ALPK3: variants seen among roughly 807,000 people sequenced by gnomAD.
ALPK3 encodes the protein alpha-protein kinase 3.
In ALPK3, 102 loss-of-function variants were observed where a neutral mutation model predicts 140.0. The observed-to-expected ratio is 0.73, with a 90% CI of 0.62 to 0.86. The LOEUF is 0.86. Ranked by LOEUF, ALPK3 falls within the 40% of genes least tolerant of loss-of-function variation. The pLI, the probability that ALPK3 is intolerant of heterozygous loss-of-function variation, is 0.00. For synonymous variants in ALPK3, 938 were observed against 898.5 expected, an observed-to-expected ratio of 1.04 and a Z score of -0.79; for missense variants, 2,254 against 2,208.2, an observed-to-expected ratio of 1.02 and a Z score of -0.42.
rs544287758 is a variant in ALPK3 at position 84,869,059 on chromosome 15, C to T, written c.*603C>T. On this transcript the variant is annotated 3_prime_UTR_variant, in exon 14 of 14. Transcript: ENST00000258888. ...AGGGCCCTTCCAGAGCCTGTCATGT[C>T]CTTGTGCAGTGGCCTTTGATGTGTG... 1 of 156,754 alleles carries T rather than the reference C, an allele frequency of 6.4e-6. No individual in the cohort carries two copies. 9.7% of individuals were successfully genotyped at this position (156,754 alleles called of 1,614,324 possible).
intron 1 of ALPK3, among the ~76,000 whole-genome samples, chr15:84,818,260 G>A (rs1242505618): frequency 6.6e-6 from 1 of 152,174 alleles, no homozygotes; most frequent in Non-Finnish European, 1.5e-5. Flanking sequence ...CAAGGGAGGT[G>A]TGGAACTGAT....
At chr15:84,820,949 C>A (rs1029261235) in intron 1 of ALPK3, among the ~76,000 whole-genome samples, 1 of 150,234 alleles carries the variant, frequency 6.7e-6, no homozygotes, top group East Asian at 2.0e-4. Flanking sequence ...TATGAGGAGA[C>A]CTTTCCTTTC....
At chr15:84,838,264 A>G (rs907292574) in intron 3 of ALPK3, among the ~76,000 whole-genome samples, 10 of 152,196 alleles carry the variant, frequency 6.6e-5, no homozygotes, top group African/African-American at 2.2e-4. Context: ...AGGGATGATC[A>G]TGGTGGGACA....
chr15:84,860,190 G>A, intron 9 of ALPK3, 118 bp downstream of exon 9: 1 of 1,280,692 alleles, frequency 7.8e-7, no homozygotes, highest in Non-Finnish European at 1.1e-6. Context: ...TTGCCTCTTA[G>A]TTTAGGATAT....
chr15:84,835,345 C>CCCCTGAT (rs1963588330), intron 3 of ALPK3, among the ~76,000 whole-genome samples: 1 of 152,160 alleles, frequency 6.6e-6, no homozygotes, highest in Admixed American at 6.5e-5. Context: ...AGCCTCGCCT[C>CCCCTGAT]CCCTGCTCCC....
At chr15:84,821,706 G>A (rs906032365) in intron 1 of ALPK3, among the ~76,000 whole-genome samples, 3 of 151,752 alleles carry the variant, frequency 2.0e-5, no homozygotes, top group African/African-American at 7.3e-5. Context: ...GTCCCCCACT[G>A]TACTTTCCTC....
At position 84,827,687 on chromosome 15, in the gene ALPK3, G is replaced by T. The variant is rs1963504665; in HGVS notation, c.304+82G>T. The stretch of plus-strand genomic sequence containing the variant: ...GGAGGCTGTGAGGACAGGAATGGTG[G>T]GGTGGCGGGCTGTGTGCACAAAACT... On this transcript the variant is annotated intron_variant, in intron 3 of 13. Transcript: ENST00000258888. The T allele has an allele frequency of 3.8e-6, 6 of 1,568,734 alleles. No homozygotes were observed. In the South Asian group the frequency reaches 6.8e-5, roughly 18 times the overall value.
intron 9 of ALPK3, among the ~76,000 whole-genome samples, chr15:84,861,711 T>C (rs1157235959): frequency 6.6e-6 from 1 of 152,236 alleles, no homozygotes; most frequent in Non-Finnish European, 1.5e-5. Context: ...TCCCAATACG[T>C]TAAGTTCCAA....
chr15:84,867,272 A>G, intron 12 of ALPK3, 45 bp from the exon 13 acceptor site: 1 of 1,565,242 alleles, frequency 6.4e-7, no homozygotes, highest in Non-Finnish European at 8.7e-7. Flanking sequence ...GGGGGCTTAG[A>G]GCCAGCCCAG....
At position 84,864,561 on chromosome 15, in the gene ALPK3, C is replaced by T; in HGVS notation, c.4619C>T (p.Ala1540Val). Residue 1540 changes from alanine to valine, a missense_variant, in exon 12 of 14, where the codon GCT becomes GTT. By Grantham distance (64) the Ala-to-Val change is moderately conservative. This residue lies in a region of ALPK3 where 2,088 missense variants were observed against 2,022.9 expected (regional missense o/e 1.03). Coordinates refer to ENST00000258888, the MANE Select transcript of ALPK3 (RefSeq NM_020778.5). ...YCSREWGCAE[A>V]PTASGSSEAM... The stretch of plus-strand genomic sequence containing the variant: ...TCTCGGGAATGGGGCTGTGCTGAGG[C>T]TCCGACAGCATCTGGCAGCTCTGAG... The T allele has an allele frequency of 1.2e-6, 2 of 1,614,230 alleles. No individual in the cohort carries two copies. The highest frequency in any genetic ancestry group is 1.7e-6 in the Non-Finnish European group (2 of 1,180,040).
At chr15:84,843,004 T>C (rs1963684631) in intron 5 of ALPK3, among the ~76,000 whole-genome samples, 1 of 152,190 alleles carries the variant, frequency 6.6e-6, no homozygotes, top group Non-Finnish European at 1.5e-5. Context: ...AAATCTGGCT[T>C]CTCTGCCTAA....
intron 3 of ALPK3, among the ~76,000 whole-genome samples, chr15:84,835,314 G>T (rs1420959046): frequency 6.6e-6 from 1 of 152,170 alleles, no homozygotes; most frequent in African/African-American, 2.4e-5. Context: ...CCCAGAGTTT[G>T]TTCCTGGCCG....
At position 84,857,895 on chromosome 15, in the gene ALPK3, C is replaced by G. The variant is rs1345151886; in HGVS notation, c.3157C>G (p.Gln1053Glu). 1 of 1,612,258 alleles carries G rather than the reference C, an allele frequency of 6.2e-7. No individual in the cohort carries two copies. The highest frequency in any genetic ancestry group is 2.2e-5 in the East Asian group (1 of 44,824). ...LLDREVQAGR[Q>E]ALAAARGSWG... ...GGACCGTGAGGTGCAGGCTGGCCGC[C>G]AGGCCCTTGCTGCTGCCCGAGGCTC... Residue 1053 changes from glutamine (Q) to glutamate (E), a missense_variant, in exon 6 of 14, where the codon CAG becomes GAG. By Grantham distance (29) the Gln-to-Glu change is conservative. This residue lies in a region of ALPK3 where 2,088 missense variants were observed against 2,022.9 expected (regional missense o/e 1.03). Coordinates refer to ENST00000258888, the MANE Select transcript of ALPK3 (RefSeq NM_020778.5).
At chr15:84,847,494 G>A (rs1229922384) in intron 5 of ALPK3, among the ~76,000 whole-genome samples, 1 of 152,108 alleles carries the variant, frequency 6.6e-6, no homozygotes, top group Non-Finnish European at 1.5e-5. Flanking sequence ...CTGTTGGAAA[G>A]TAAAGACAAT....
rs1033371309 is a variant in ALPK3 at position 84,840,599 on chromosome 15, G to T, written c.1320G>T (p.Arg440=). The change falls in exon 5 of 14, where the codon CGG becomes CGT. Residue 440 remains arginine (R), a synonymous_variant. Transcript: ENST00000258888. ...AGGGACCCCAGACCCTGAGTGTCCG[G>T]GCGCCTGGGGAGAGTCCCAAGGGGA... is the stretch of plus-strand genomic sequence containing the variant. The part of the protein sequence containing the change: ...GEEGPQTLSV[R]APGESPKGKA... 3 of 1,562,090 alleles carry T rather than the reference G, an allele frequency of 1.9e-6. No homozygotes were observed. The African/African-American group carries it at 4.1e-5, about 21-fold the overall frequency.
At position 84,857,199 on chromosome 15, in the gene ALPK3, C is replaced by T; in HGVS notation, c.2461C>T (p.Pro821Ser). 1 of 1,614,014 alleles carries T rather than the reference C, an allele frequency of 6.2e-7. No individual in the cohort carries two copies. The highest frequency in any genetic ancestry group is 2.2e-5 in the East Asian group (1 of 44,860). The change falls in exon 6 of 14, where the codon CCA (proline) becomes TCA (serine). Residue 821 changes from proline (P) to serine (S), a missense_variant. By Grantham distance (74) the Pro-to-Ser change is moderately conservative. Transcript: ENST00000258888. ...GGTGGGAGGAGAGAGATGCCGAGGGCCACAGTCATCAGGCCCAGTCGAGGC... is the reference window on the plus strand; with the variant it reads ...GGTGGGAGGAGAGAGATGCCGAGGGTCACAGTCATCAGGCCCAGTCGAGGC... ...EQVGGERCRGPQSSGPVEAKQ... is the reference protein window; with the variant it reads ...EQVGGERCRGSQSSGPVEAKQ...
chr15:84,823,895 G>T (rs368383326), intron 2 of ALPK3, among the ~76,000 whole-genome samples: 1 of 152,066 alleles, frequency 6.6e-6, no homozygotes, highest in Non-Finnish European at 1.5e-5. Flanking sequence ...AAATTTTCTT[G>T]TAGAGACAGA....
chr15:84,870,542 G>T lies in ALPK3; in HGVS notation c.*2086G>T, dbSNP rs1964057856. ...ACTTAAGCAAGGAAAAAGCGTTCAT[G>T]GGAAGGATGCTGGGATAGCTCACAA... On this transcript the variant is annotated 3_prime_UTR_variant, in exon 14 of 14. Transcript: ENST00000258888. 6.6e-6 allele frequency: 1 copy of T among 152,222 alleles called. No homozygotes were observed. Among genetic ancestry groups the T allele is most frequent in the South Asian group, 2.1e-4 (1 of 4,836 alleles). 9.4% of individuals were successfully genotyped at this position (152,222 alleles called of 1,614,324 possible).
Position 84,856,991 on chromosome 15 carries a change from G to A in ALPK3, c.2253G>A (p.Leu751=). 6.2e-7 allele frequency: 1 copy of A among 1,614,146 alleles called. No individual in the cohort carries two copies. The highest frequency in any genetic ancestry group is 8.5e-7 in the Non-Finnish European group (1 of 1,180,030). Reference sequence around the variant, plus strand: ...CTACAGCGGGTCCTAGAGCTCCTCTGAATATTGAATGTTTTGTACAGACCC... The same window carrying A: ...CTACAGCGGGTCCTAGAGCTCCTCTAAATATTGAATGTTTTGTACAGACCC... The part of the protein sequence containing the change: ...LPPTAGPRAP[L]NIECFVQTPE... The change falls in exon 6 of 14, where the codon CTG becomes CTA. Residue 751 remains leucine (L), a synonymous_variant. Coordinates refer to ENST00000258888, the MANE Select transcript of ALPK3 (RefSeq NM_020778.5).
Sources: allele counts gnomAD v4.1 joint callset (sites outside exome capture counted in the v4.1 genomes callset), GRCh38; gene constraint gnomAD v4.1.1; regional missense constraint gnomAD v4.1.1; transcripts MANE v1.5; gene names NCBI Gene and HGNC (gene_info 2026-07-23, HGNC 2026-07-21).